Variants in GOLPH3L observed in about 807,000 individuals in gnomAD.
GOLPH3L encodes the protein Golgi phosphoprotein 3-like.
A neutral mutation model predicts 30.3 loss-of-function variants in GOLPH3L; 22 were observed. The observed-to-expected ratio is 0.73, with a 90% confidence interval of 0.52 to 1.04. The LOEUF (loss-of-function observed/expected upper bound fraction) is 1.04. Among genes scored for constraint, GOLPH3L ranks in the 50% least tolerant of loss-of-function variants. The pLI, the probability that GOLPH3L is intolerant of heterozygous loss-of-function variation, is 0.00. For synonymous variants in GOLPH3L, 120 were observed against 128.2 expected (o/e 0.94, Z 0.43); for missense variants, 303 against 345.8 (o/e 0.88, Z 0.98).
chr1:150,690,743 C>T (rs1347688429), intron 2 of GOLPH3L, among the ~76,000 whole-genome samples: 2 of 152,172 alleles, frequency 1.3e-5, no homozygotes, highest in East Asian at 3.9e-4. Flanking sequence ...TCATCCAGAA[C>T]GTGTTTCCTT....
intron 1 of GOLPH3L, among the ~76,000 whole-genome samples, chr1:150,696,082 C>A (rs754425440): frequency 1.3e-5 from 2 of 151,948 alleles, no homozygotes; most frequent in East Asian, 3.8e-4. Flanking sequence ...AAAGGAGTAT[C>A]TTTTTCAAGA....
chr1:150,663,008 T>A (rs1650405042), intron 3 of GOLPH3L, among the ~76,000 whole-genome samples: 1 of 151,310 alleles, frequency 6.6e-6, no homozygotes, highest in Admixed American at 6.6e-5. Flanking sequence ...CCCATATGAG[T>A]CCCTCTCCCT....
chr1:150,665,839 A>C (rs1043726270), intron 2 of GOLPH3L, among the ~76,000 whole-genome samples: 2 of 152,094 alleles, frequency 1.3e-5, no homozygotes, highest in Non-Finnish European at 1.5e-5. Flanking sequence ...GAATTTCCTT[A>C]AGTGAAAGTC....
chr1:150,667,040 G>A (rs923844657), intron 2 of GOLPH3L, among the ~76,000 whole-genome samples: 8 of 152,132 alleles, frequency 5.3e-5, no homozygotes, highest in African/African-American at 1.9e-4. Flanking sequence ...CAAGTACAGA[G>A]GGATTGTGGG....
intron 4 of GOLPH3L, among the ~76,000 whole-genome samples, chr1:150,659,748 T>C (rs1650327546): frequency 6.6e-6 from 1 of 152,052 alleles, no homozygotes; most frequent in African/African-American, 2.4e-5. Context: ...ATAAAGAACC[T>C]CTGGCCAGGC....
chr1:150,679,291 A>G (rs587641623), intron 2 of GOLPH3L, among the ~76,000 whole-genome samples: 1 of 152,306 alleles, frequency 6.6e-6, no homozygotes, highest in African/African-American at 2.4e-5. Context: ...CAAATAGCGA[A>G]GTACAGAAGC....
At chr1:150,654,172 GAAATTCTGGAGCTAA>G (rs1474934511) in intron 4 of GOLPH3L, among the ~76,000 whole-genome samples, 2 of 151,946 alleles carry the variant, frequency 1.3e-5, no homozygotes, top group Non-Finnish European at 2.9e-5. Flanking sequence ...GGACCAAAAG[GAAATTCTGGAGCTAA>G]AACTTATAAT....
intron 4 of GOLPH3L, among the ~76,000 whole-genome samples, chr1:150,653,900 T>C (rs1349004053): frequency 6.6e-6 from 1 of 151,860 alleles, no homozygotes; most frequent in Non-Finnish European, 1.5e-5. Context: ...GTAGCTGGGA[T>C]TACAGGTGCC....
In GOLPH3L at chr1:150,648,499, A is replaced by G. The variant is rs1557778262; in HGVS notation, c.680T>C (p.Val227Ala). ...RMDKRTLALL[V>A]LAHSSDVLEN... Reference sequence around the variant, plus strand: ...TAGCACATCAGAGGAGTGGGCTAGCACCAGGAGTGCTAGTGTTCGCTTGTC... The same window carrying G: ...TAGCACATCAGAGGAGTGGGCTAGCGCCAGGAGTGCTAGTGTTCGCTTGTC... Residue 227 changes from valine (V) to alanine (A), a missense_variant, in exon 5 of 5, where the codon GTG (valine) becomes GCG (alanine). By Grantham distance (64) the Val-to-Ala change is moderately conservative. Coordinates refer to ENST00000271732, the MANE Select transcript of GOLPH3L (RefSeq NM_018178.6). 2.5e-6 allele frequency: 4 copies of G among 1,613,858 alleles called. No homozygotes were observed. The highest frequency in any genetic ancestry group is 2.2e-5 in the South Asian group (2 of 91,072).
In GOLPH3L at chr1:150,696,025, A is replaced by C. The variant is rs140766817; in HGVS notation, c.-13+967T>G. Among the ~76,000 whole-genome samples, 1,225 of 152,326 alleles carry C rather than the reference A, an allele frequency of 8.0e-3. 9 individuals carry two copies. Among genetic ancestry groups the C allele is most frequent in the Non-Finnish European group, 0.011 (733 of 68,030 alleles). Reference sequence around the variant, plus strand: ...TTTATTTTATATAAATCTAGATATCAGTTTTTAAGATAATATATAACAAAT... The same window carrying C: ...TTTATTTTATATAAATCTAGATATCCGTTTTTAAGATAATATATAACAAAT... On this transcript the variant is annotated intron_variant, in intron 1 of 4. Transcript: ENST00000271732.
intron 3 of GOLPH3L, 33 bp downstream of exon 3, chr1:150,663,599 A>G: frequency 1.9e-6 from 3 of 1,573,180 alleles, no homozygotes; most frequent in Middle Eastern, 1.7e-4. Flanking sequence ...TTGCCTTTCC[A>G]TAAGCCATGG....
At chr1:150,650,823 T>A (rs956778306) in intron 4 of GOLPH3L, among the ~76,000 whole-genome samples, 2 of 152,056 alleles carry the variant, frequency 1.3e-5, no homozygotes, top group African/African-American at 4.8e-5. Context: ...GACAAAAAAG[T>A]ATGAAGTATA....
At chr1:150,682,257 A>C (rs1194004374) in intron 2 of GOLPH3L, among the ~76,000 whole-genome samples, 1 of 152,072 alleles carries the variant, frequency 6.6e-6, no homozygotes, top group Non-Finnish European at 1.5e-5. Flanking sequence ...AAGTTCAGTG[A>C]GTTTTGACAA....
At chr1:150,677,644 T>TA (rs1650843719) in intron 2 of GOLPH3L, among the ~76,000 whole-genome samples, 1 of 150,770 alleles carries the variant, frequency 6.6e-6, no homozygotes, top group Non-Finnish European at 1.5e-5. Context: ...TTTTTTTTTT[T>TA]AATTTGAGAC....
chr1:150,686,991 GACAA>G (rs1457387255), intron 2 of GOLPH3L, among the ~76,000 whole-genome samples: 2 of 152,188 alleles, frequency 1.3e-5, no homozygotes, highest in East Asian at 1.9e-4. Flanking sequence ...AAAAAAACCT[GACAA>G]ACAAGCCCTT....
intron 2 of GOLPH3L, among the ~76,000 whole-genome samples, chr1:150,673,926 C>CAAAAAAAAAA (rs71086590): frequency 3.0e-5 from 3 of 98,664 alleles, no homozygotes; most frequent in African/African-American, 4.4e-5. Flanking sequence ...CTCCCATCTC[C>CAAAAAAAAAA]AAAAAAAAAA....
chr1:150,658,407 G>A (rs1050916238), intron 4 of GOLPH3L, among the ~76,000 whole-genome samples: 1 of 152,100 alleles, frequency 6.6e-6, no homozygotes, highest in Non-Finnish European at 1.5e-5. Context: ...TATCAATCTT[G>A]GCTGGCAATA....
intron 2 of GOLPH3L, among the ~76,000 whole-genome samples, chr1:150,688,538 G>A (rs755888930): frequency 6.6e-6 from 1 of 152,110 alleles, no homozygotes; most frequent in East Asian, 1.9e-4. Flanking sequence ...GATCACCTGA[G>A]GTCAGGAATT....
rs1649988077 is a variant in GOLPH3L at position 150,646,905 on chromosome 1, C to G, written c.*1416G>C. 1 of 152,130 alleles carries G rather than the reference C, an allele frequency of 6.6e-6. No homozygotes were observed. Among genetic ancestry groups the G allele is most frequent in the Non-Finnish European group, 1.5e-5 (1 of 68,034 alleles). 9.4% of individuals were successfully genotyped at this position (152,130 alleles called of 1,614,324 possible). ...GCATGCTTTCAATACCAAATTAGCC[C>G]TTTAAATAGGATCTTTCTTAATAAA... On this transcript the variant is annotated 3_prime_UTR_variant, in exon 5 of 5. Transcript: ENST00000271732.
Sources: gnomAD v4.1 joint callset for allele counts (sites outside exome capture counted in the v4.1 genomes callset) on GRCh38, gnomAD v4.1.1 for gene constraint, MANE v1.5 for transcripts, NCBI Gene and HGNC (gene_info 2026-07-23, HGNC 2026-07-21) for gene names.